The following FOXP2 variants were observed in gnomAD, a reference collection of about 807,000 sequenced individuals.
FOXP2 encodes the protein forkhead box protein P2.
Under a neutral mutation model 115.8 loss-of-function variants are expected in FOXP2, and 12 were observed. The observed-to-expected ratio is 0.10, with a 90% CI of 0.07 to 0.17. The LOEUF (loss-of-function observed/expected upper bound fraction) is 0.17. Ranked by LOEUF, FOXP2 falls within the 10% of genes least tolerant of loss-of-function variation. The pLI is 1.00. For synonymous variants in FOXP2, 328 were observed against 297.7 expected (o/e 1.10, Z -1.05); for missense variants, 629 against 843.5 (o/e 0.75, Z 3.15).
At position 114,644,715 on chromosome 7, in the gene FOXP2, C is replaced by A; in HGVS notation, c.1020C>A (p.His340Gln). 4 of 1,613,984 alleles carry A rather than the reference C, an allele frequency of 2.5e-6. No homozygotes were observed. Among genetic ancestry groups the A allele is most frequent in the Non-Finnish European group, 3.4e-6 (4 of 1,179,942 alleles). ...CACATGAGGAGACTGGGGCCTCTCA[C>A]ACTCTCTATGGCCATGGAGTTTGCA... is the stretch of plus-strand genomic sequence containing the variant. ...SSSHEETGASHTLYGHGVCKW... is the reference protein window; with the variant it reads ...SSSHEETGASQTLYGHGVCKW... The change falls in exon 8 of 17, where the codon CAC becomes CAA. Residue 340 changes from histidine to glutamine, a missense_variant. Transcript: ENST00000350908.
At chr7:114,636,854 C>A (rs1442208952) in intron 6 of FOXP2, among the ~76,000 whole-genome samples, 1 of 151,996 alleles carries the variant, frequency 6.6e-6, no homozygotes. Context: ...TGTAGATACT[C>A]CACAAACTCT....
chr7:114,523,435 G>C (rs1018116071), intron 2 of FOXP2, among the ~76,000 whole-genome samples: 1 of 152,000 alleles, frequency 6.6e-6, no homozygotes, highest in African/African-American at 2.4e-5. Context: ...TTCCAGCCTC[G>C]GTGACATATG....
rs568258869 is a variant in FOXP2 at position 114,665,396 on chromosome 7, C to G, written c.2003+960C>G. The G allele has an allele frequency of 3.9e-5, 6 of 152,090 alleles. No homozygotes were observed. In the South Asian group the frequency reaches 1.2e-3, roughly 32 times the overall value. The allele number at this position is 152,090 out of a possible 1,614,324, so 9.4% of individuals were successfully genotyped here. On this transcript the variant is annotated intron_variant, in intron 16 of 16. Transcript: ENST00000350908. ...TATTGAGGTAAGATTAGTCCTTTCT[C>G]TTATTTTTATATTGTCTTCCTTTAT...
In FOXP2 at chr7:114,654,229, A is replaced by G. The variant is rs975841152; in HGVS notation, c.1266+220A>G. The G allele has an allele frequency of 5.4e-5, 58 of 1,072,266 alleles. No individual in the cohort carries two copies. The East Asian group carries it at 1.8e-3, about 34-fold the overall frequency. The allele number at this position is 1,072,266 out of a possible 1,614,324, so 66.4% of individuals were successfully genotyped here. Reference sequence around the variant, plus strand: ...TCTACACCATGGGTGACACTAAACAAAGTACACCTATCAGTGCACAAATCA... The same window carrying G: ...TCTACACCATGGGTGACACTAAACAGAGTACACCTATCAGTGCACAAATCA... On this transcript the variant is annotated intron_variant, in intron 10 of 16. Transcript: ENST00000350908.
intron 1 of FOXP2, among the ~76,000 whole-genome samples, chr7:114,286,449 T>C (rs764526736): frequency 1.1e-4 from 17 of 151,938 alleles, no homozygotes; most frequent in Non-Finnish European, 2.5e-4. Context: ...GTTGGAGAAG[T>C]TTCCCTATGA....
At chr7:114,315,425 AC>A (rs1385719392) in intron 2 of FOXP2, among the ~76,000 whole-genome samples, 1 of 152,006 alleles carries the variant, frequency 6.6e-6, no homozygotes, top group Non-Finnish European at 1.5e-5. Flanking sequence ...ATTCCAGTAG[AC>A]CTCTGTTATT....
At chr7:114,427,362 T>G (rs1412152428) in intron 2 of FOXP2, among the ~76,000 whole-genome samples, 2 of 151,390 alleles carry the variant, frequency 1.3e-5, no homozygotes, top group Non-Finnish European at 3.0e-5. Flanking sequence ...TAGTCTGTTA[T>G]TCATTTTATA....
chr7:114,137,834 A>T (rs867960259), intron 1 of FOXP2, among the ~76,000 whole-genome samples: 1 of 152,138 alleles, frequency 6.6e-6, no homozygotes, highest in Non-Finnish European at 1.5e-5. Context: ...AGGTGTATAT[A>T]TAGGGGTTAG....
At chr7:114,610,316 C>A (rs979083408) in intron 3 of FOXP2, among the ~76,000 whole-genome samples, 3 of 152,074 alleles carry the variant, frequency 2.0e-5, no homozygotes, top group African/African-American at 4.8e-5. Context: ...AAACTGATTT[C>A]AAAAAATTCC....
At chr7:114,330,533 A>C in intron 2 of FOXP2, among the ~76,000 whole-genome samples, 2 of 150,108 alleles carry the variant, frequency 1.3e-5, no homozygotes, top group South Asian at 4.2e-4. Context: ...CACAATTTTT[A>C]TATATACATA....
At chr7:114,098,208 G>A (rs1371976999) in intron 1 of FOXP2, among the ~76,000 whole-genome samples, 1 of 152,158 alleles carries the variant, frequency 6.6e-6, no homozygotes, top group Non-Finnish European at 1.5e-5. Context: ...TTTTTTTAGG[G>A]ACAGTTGTGC....
At chr7:114,145,356 T>G (rs1184806908) in intron 1 of FOXP2, among the ~76,000 whole-genome samples, 1 of 152,176 alleles carries the variant, frequency 6.6e-6, no homozygotes, top group African/African-American at 2.4e-5. Flanking sequence ...TTTTAACAAA[T>G]AGTAAACATT....
intron 1 of FOXP2, among the ~76,000 whole-genome samples, chr7:114,187,018 C>A (rs1303097037): frequency 6.6e-6 from 1 of 152,162 alleles, no homozygotes; most frequent in Non-Finnish European, 1.5e-5. Flanking sequence ...ATGGGAGGAA[C>A]AACCTGGAAA....
chr7:114,295,656 A>G (rs1235848541), intron 2 of FOXP2, among the ~76,000 whole-genome samples: 1 of 152,220 alleles, frequency 6.6e-6, no homozygotes. Flanking sequence ...TGTAGGTGTC[A>G]TGTAAAATGA....
At chr7:114,152,642 T>G (rs1287217679) in intron 1 of FOXP2, among the ~76,000 whole-genome samples, 1 of 152,140 alleles carries the variant, frequency 6.6e-6, no homozygotes, top group African/African-American at 2.4e-5. Flanking sequence ...AAAAGACAAC[T>G]GTGATTTCTG....
intron 10 of FOXP2, among the ~76,000 whole-genome samples, chr7:114,654,997 C>T (rs1806493036): frequency 6.6e-6 from 1 of 152,036 alleles, no homozygotes; most frequent in Non-Finnish European, 1.5e-5. Flanking sequence ...GCTATTTCTG[C>T]TTTTCCTTTG....
chr7:114,541,474 G>A (rs1192546451), intron 3 of FOXP2, among the ~76,000 whole-genome samples: 1 of 151,994 alleles, frequency 6.6e-6, no homozygotes, highest in Non-Finnish European at 1.5e-5. Flanking sequence ...TCCACAGGAA[G>A]GAGAACATTT....
chr7:114,428,901 T>G (rs1030062091), intron 2 of FOXP2, among the ~76,000 whole-genome samples: 2 of 151,594 alleles, frequency 1.3e-5, no homozygotes, highest in African/African-American at 4.8e-5. Context: ...TACGTGTTGT[T>G]ATTTAGATGT....
At chr7:114,568,433 T>TGGG (rs376309639) in intron 3 of FOXP2, among the ~76,000 whole-genome samples, 1 of 146,834 alleles carries the variant, frequency 6.8e-6, no homozygotes. Context: ...GGTTTTTTTT[T>TGGG]GGGGGGGGGT....
Sources: allele counts gnomAD v4.1 joint callset (sites outside exome capture counted in the v4.1 genomes callset), GRCh38; gene constraint gnomAD v4.1.1; transcripts MANE v1.5; gene names NCBI Gene and HGNC (gene_info 2026-07-23, HGNC 2026-07-21).